Variants in SLC48A1 observed in about 807,000 individuals in gnomAD.
The protein encoded by SLC48A1 is heme transporter HRG1.
Under a neutral mutation model 14.8 loss-of-function variants are expected in SLC48A1, and 6 were observed. The observed-to-expected ratio is 0.41, with a 90% CI of 0.22 to 0.80. SLC48A1 has a LOEUF of 0.80. SLC48A1 is among the 30% of genes least tolerant of loss of function. The pLI, the probability that SLC48A1 is intolerant of heterozygous loss-of-function variation, is 0.34. For missense variants in SLC48A1, 165 were observed against 204.8 expected (o/e 0.81, Z 1.19); for synonymous variants, 89 against 90.0 (o/e 0.99, Z 0.06).
At chr12:47,775,069 C>G (rs1446758113) in intron 1 of SLC48A1, among the ~76,000 whole-genome samples, 1 of 152,116 alleles carries the variant, frequency 6.6e-6, no homozygotes, top group South Asian at 2.1e-4. Flanking sequence ...GGAGGTGAAC[C>G]CTACCTGGCC....
chr12:47,768,624 T>C (rs550807708), upstream of SLC48A1: 1 of 152,322 alleles, frequency 6.6e-6, no homozygotes, highest in South Asian at 2.1e-4. Flanking sequence ...ATAAACTCAA[T>C]CATCTGGAAG....
chr12:47,767,002 T>C (rs1247003167), upstream of SLC48A1, among the ~76,000 whole-genome samples: 1 of 152,152 alleles, frequency 6.6e-6, no homozygotes, highest in Non-Finnish European at 1.5e-5. Flanking sequence ...GCCAGCCACC[T>C]GCTGCTGCTG....
intron 2 of SLC48A1, among the ~76,000 whole-genome samples, chr12:47,765,923 T>C (rs1025327749): frequency 1.3e-5 from 2 of 151,754 alleles, no homozygotes; most frequent in African/African-American, 4.8e-5. Flanking sequence ...ACCTCCCTCT[T>C]AGCTTCCCAA....
At chr12:47,778,874 G>A in intron 1 of SLC48A1, 154 bp from the exon 2 acceptor site, 1 of 852,226 alleles carries the variant, frequency 1.2e-6, no homozygotes, top group Non-Finnish European at 1.7e-6. Flanking sequence ...ACCTGCTTCT[G>A]ATATCACAGC....
Position 47,779,186 on chromosome 12 carries a change from C to A in SLC48A1, c.295C>A (p.Arg99=). 6.4e-7 allele frequency: 1 copy of A among 1,551,366 alleles called. No individual in the cohort carries two copies. Among genetic ancestry groups the A allele is most frequent in the South Asian group, 1.2e-5 (1 of 84,028 alleles). Residue 99 remains arginine (R), a synonymous_variant, in exon 2 of 3, where the codon CGG becomes AGG. Coordinates refer to ENST00000442218, the MANE Select transcript of SLC48A1 (RefSeq NM_017842.3). Reference sequence around the variant, plus strand: ...CACCTTCCTCGTGCTGGCCATCACCCGGCATCAGAGTGAGGGCGGGTCCCA... The same window carrying A: ...CACCTTCCTCGTGCTGGCCATCACCAGGCATCAGAGTGAGGGCGGGTCCCA... The part of the protein sequence containing the change: ...FCTFLVLAIT[R]HQSLTDPTSY...
chr12:47,763,281 C>T (rs894428551), intron 2 of SLC48A1, among the ~76,000 whole-genome samples: 5 of 152,152 alleles, frequency 3.3e-5, no homozygotes, highest in Non-Finnish European at 7.3e-5. Context: ...TCAGCCGTGA[C>T]ATTTGAGGGT....
intron 1 of SLC48A1, among the ~76,000 whole-genome samples, chr12:47,776,501 T>A (rs1942756910): frequency 6.6e-6 from 1 of 152,154 alleles, no homozygotes; most frequent in South Asian, 2.1e-4. Context: ...TCTCCTTCAG[T>A]GACCCCCTTG....
At chr12:47,758,012 C>G, upstream of SLC48A1, 1 of 1,575,352 alleles carries the variant, frequency 6.3e-7, no homozygotes, top group Non-Finnish European at 8.6e-7. Context: ...ACCCGCGGTG[C>G]TCCCAGAGCT....
At chr12:47,773,495 C>T (rs1303527550) in intron 1 of SLC48A1, 55 bp downstream of exon 1, 2 of 1,281,316 alleles carry the variant, frequency 1.6e-6, no homozygotes, top group Non-Finnish European at 9.9e-7. Context: ...GGGCGGGCGC[C>T]GTCAGCTGCT....
chr12:47,754,301 C>T (rs145385929), upstream of SLC48A1, among the ~76,000 whole-genome samples: 1 of 152,356 alleles, frequency 6.6e-6, no homozygotes, highest in Non-Finnish European at 1.5e-5. Context: ...CAGGCAAGTT[C>T]TGTGGGCAAG....
rs1245274672 is a variant in SLC48A1 at position 47,773,241 on chromosome 12, T to C, written c.-64T>C. ...GGCTCCCGCGGCTCCGGCTGGCGGC[T>C]TCGGGCCCTGCACCTGTGACTCTCG... On this transcript the variant is annotated 5_prime_UTR_variant, in exon 1 of 3. Transcript: ENST00000442218. The C allele has an allele frequency of 4.3e-5, 50 of 1,171,584 alleles. No individual in the cohort carries two copies. The highest frequency in any genetic ancestry group is 5.2e-5 in the Non-Finnish European group (49 of 949,224). The allele number at this position is 1,171,584 out of a possible 1,614,324, so 72.6% of individuals were successfully genotyped here.
At chr12:47,758,484 C>G (rs199834064), upstream of SLC48A1, 581 of 1,594,214 alleles carry the variant, frequency 3.6e-4, 1 homozygote, top group Non-Finnish European at 4.8e-4. Context: ...ACCCAAACTC[C>G]CCACCGTGTC....
At chr12:47,759,554 C>T (rs1312744714) in intron 1 of SLC48A1, among the ~76,000 whole-genome samples, 10 of 135,266 alleles carry the variant, frequency 7.4e-5, no homozygotes, top group African/African-American at 2.8e-4. Flanking sequence ...GTTCGAGTAC[C>T]ACGCCCCCTA....
chr12:47,780,059 G>T, intron 2 of SLC48A1, 86 bp from the exon 3 acceptor site: 3 of 1,429,518 alleles, frequency 2.1e-6, no homozygotes, highest in Non-Finnish European at 2.8e-6. Flanking sequence ...GATGTTGAGT[G>T]GGGAGGGTGG....
At position 47,780,942 on chromosome 12, in the gene SLC48A1, G is replaced by A. The variant is rs537219264; in HGVS notation, c.*661G>A. The stretch of plus-strand genomic sequence containing the variant: ...GGCAACAAAGTCAAGAGGTCAAGGT[G>A]TAGGGCCATGAGGCCTGGACCTATG... On this transcript the variant is annotated 3_prime_UTR_variant, in exon 3 of 3. Transcript: ENST00000442218. The A allele has an allele frequency of 1.1e-5, 6 of 533,074 alleles. No individual in the cohort carries two copies. The highest frequency in any genetic ancestry group is 7.8e-5 in the Admixed American group (4 of 51,564). 33.0% of individuals were successfully genotyped at this position (533,074 alleles called of 1,614,324 possible). A position where few individuals can be genotyped will look rare whatever the true frequency, so the allele number is the denominator to read the frequency against.
At chr12:47,778,477 C>G (rs1444444233) in intron 1 of SLC48A1, 1 of 153,046 alleles carries the variant, frequency 6.5e-6, no homozygotes, top group African/African-American at 2.4e-5. Flanking sequence ...CCTCTGAGGG[C>G]TGGGTGGAGG....
chr12:47,770,237 T>C (rs1363152072), upstream of SLC48A1, among the ~76,000 whole-genome samples: 1 of 152,274 alleles, frequency 6.6e-6, no homozygotes, highest in Non-Finnish European at 1.5e-5. Flanking sequence ...CTTTCTTTTC[T>C]TGCGCAATCT....
chr12:47,763,659 A>T (rs1372641445), intron 2 of SLC48A1, among the ~76,000 whole-genome samples: 1 of 152,176 alleles, frequency 6.6e-6, no homozygotes, highest in Non-Finnish European at 1.5e-5. Flanking sequence ...GGGCAGCGGC[A>T]GGGAGCTGGA....
upstream of SLC48A1, chr12:47,768,938 C>T (rs753190198): frequency 1.3e-5 from 2 of 152,212 alleles, no homozygotes; most frequent in African/African-American, 2.4e-5. Flanking sequence ...TGACACTTCT[C>T]ACTCATATTC....
Sources: allele counts gnomAD v4.1 joint callset (sites outside exome capture counted in the v4.1 genomes callset), GRCh38; gene constraint gnomAD v4.1.1; transcripts MANE v1.5; gene names NCBI Gene and HGNC (gene_info 2026-07-23, HGNC 2026-07-21).